ZMYM4: variants seen among roughly 807,000 people sequenced by gnomAD.
ZMYM4 encodes the protein zinc finger MYM-type containing 4, also known as zinc finger MYM-type protein 4.
In ZMYM4, 31 loss-of-function variants were observed where a neutral mutation model predicts 183.2. The observed-to-expected ratio is 0.17, with a 90% CI of 0.13 to 0.23. ZMYM4 has a LOEUF of 0.23. Among genes scored for constraint, ZMYM4 ranks in the 10% least tolerant of loss-of-function variants. The pLI, the probability that ZMYM4 is intolerant of heterozygous loss-of-function variation, is 1.00. For missense variants in ZMYM4, 1,273 were observed against 1,840.3 expected (o/e 0.69, Z 5.64); for synonymous variants, 592 against 631.2 (o/e 0.94, Z 0.93).
At chr1:35,331,358 A>G (rs2148833755) in intron 2 of ZMYM4, among the ~76,000 whole-genome samples, 1 of 152,320 alleles carries the variant, frequency 6.6e-6, no homozygotes, top group African/African-American at 2.4e-5. Flanking sequence ...GAATTAAACA[A>G]ACTGATCAGT....
At chr1:35,367,050 T>A (rs1298234636) in intron 5 of ZMYM4, among the ~76,000 whole-genome samples, 1 of 151,896 alleles carries the variant, frequency 6.6e-6, no homozygotes, top group Admixed American at 6.6e-5. Flanking sequence ...AATTGAGATT[T>A]AGATTTGATG....
intron 4 of ZMYM4, 141 bp downstream of exon 4, chr1:35,361,396 C>G: frequency 1.0e-6 from 1 of 956,888 alleles, no homozygotes; most frequent in Non-Finnish European, 1.5e-6. Context: ...TGTTTAAGGT[C>G]ATCATCGGAG....
chr1:35,400,219 T>TTTG (rs1644881799), intron 23 of ZMYM4: 1 of 143,292 alleles, frequency 7.0e-6, no homozygotes, highest in African/African-American at 2.6e-5. Flanking sequence ...TTTTTTTTTT[T>TTTG]GAGACGGAGT....
At position 35,299,310 on chromosome 1, in the gene ZMYM4, CA is replaced by C. The variant is rs201866723; in HGVS notation, c.40-26047del. On this transcript the variant is annotated intron_variant, in intron 1 of 29. Transcript: ENST00000314607. Reference sequence around the variant, plus strand: ...GTGTTCAGGTTCTTGGCGTCTTGAACAAAGAATTGGACAAAACACACAAACA... The same window carrying C: ...GTGTTCAGGTTCTTGGCGTCTTGAACAAGAATTGGACAAAACACACAAACA... Among the ~76,000 whole-genome samples, 210 of 151,770 alleles carry C rather than the reference CA, an allele frequency of 1.4e-3. 3 individuals are homozygous for C. Among genetic ancestry groups the C allele is most frequent in the African/African-American group, 4.6e-3 (191 of 41,356 alleles).
At chr1:35,308,141 G>T (rs1157041324) in intron 1 of ZMYM4, among the ~76,000 whole-genome samples, 1 of 152,134 alleles carries the variant, frequency 6.6e-6, no homozygotes, top group African/African-American at 2.4e-5. Context: ...ACAGGCATGT[G>T]TCATCACACC....
intron 25 of ZMYM4, 122 bp from the exon 26 acceptor site, chr1:35,407,886 A>G (rs770818769): frequency 1.6e-6 from 2 of 1,235,074 alleles, no homozygotes; most frequent in Admixed American, 2.1e-5. Context: ...TCTTTAATCC[A>G]TATACCCACT....
intron 28 of ZMYM4, among the ~76,000 whole-genome samples, 161 bp downstream of exon 28, chr1:35,415,875 C>G (rs568766463): frequency 6.6e-6 from 1 of 152,270 alleles, no homozygotes; most frequent in Admixed American, 6.5e-5. Flanking sequence ...AAAGGCTGGC[C>G]TCAAAGTGAG....
chr1:35,351,331 C>T (rs542015650), intron 2 of ZMYM4: 2 of 1,566,592 alleles, frequency 1.3e-6, no homozygotes, highest in Non-Finnish European at 1.7e-6. Flanking sequence ...CAGAAAGTTG[C>T]AGATTACATG....
At chr1:35,390,182 CAG>C in intron 15 of ZMYM4, 84 bp downstream of exon 15, 1 of 1,389,872 alleles carries the variant, frequency 7.2e-7, no homozygotes. Flanking sequence ...ACTGTGTAAA[CAG>C]TTGTCATTAA....
chr1:35,277,846 C>T (rs1255598252), intron 1 of ZMYM4, among the ~76,000 whole-genome samples: 1 of 152,094 alleles, frequency 6.6e-6, no homozygotes, highest in Non-Finnish European at 1.5e-5. Context: ...GAGGGAGTAT[C>T]ATTAGGAACT....
intron 5 of ZMYM4, among the ~76,000 whole-genome samples, chr1:35,366,490 A>T (rs1644083492): frequency 6.6e-6 from 1 of 152,216 alleles, no homozygotes; most frequent in South Asian, 2.1e-4. Context: ...ATCACTTGCT[A>T]TTAAGAATAT....
intron 1 of ZMYM4, chr1:35,295,885 T>C (rs1640982838): frequency 6.6e-6 from 1 of 152,226 alleles, no homozygotes; most frequent in Admixed American, 6.5e-5. Flanking sequence ...TTAGCCATTT[T>C]TCTGTTATAT....
At chr1:35,336,513 A>G (rs966279865) in intron 2 of ZMYM4, among the ~76,000 whole-genome samples, 2 of 151,690 alleles carry the variant, frequency 1.3e-5, no homozygotes, top group Admixed American at 6.6e-5. Context: ...CAGCCTCCCG[A>G]GTATCTAGGA....
intron 1 of ZMYM4, among the ~76,000 whole-genome samples, chr1:35,280,295 C>CT (rs1457738713): frequency 6.8e-6 from 1 of 146,014 alleles, no homozygotes; most frequent in Non-Finnish European, 1.5e-5. Context: ...TCTCTCTCTT[C>CT]TTTCTTTGTT....
intron 3 of ZMYM4, among the ~76,000 whole-genome samples, chr1:35,360,943 ATT>A (rs558784834): frequency 3.1e-4 from 43 of 138,070 alleles, no homozygotes; most frequent in Non-Finnish European, 4.6e-4. Context: ...AGCAAAAATA[ATT>A]TTTTTTTTTT....
At chr1:35,283,838 T>G (rs937857947) in intron 1 of ZMYM4, among the ~76,000 whole-genome samples, 1 of 152,162 alleles carries the variant, frequency 6.6e-6, no homozygotes, top group African/African-American at 2.4e-5. Flanking sequence ...GTTGTTGAGT[T>G]TTAGGAATTG....
chr1:35,418,357 C>T (rs1020995091), intron 28 of ZMYM4, 86 bp from the exon 29 acceptor site: 1 of 1,444,094 alleles, frequency 6.9e-7, no homozygotes, highest in African/African-American at 1.4e-5. Context: ...AAAGTTCTGG[C>T]TGCGAAGCAA....
intron 2 of ZMYM4, among the ~76,000 whole-genome samples, chr1:35,328,098 G>A (rs755192398): frequency 6.6e-6 from 1 of 152,160 alleles, no homozygotes; most frequent in Non-Finnish European, 1.5e-5. Context: ...GATTGTTAAA[G>A]TTGTTGCAGT....
rs563974180 is a variant in ZMYM4, at chr1:35,293,445, C to T, written c.39+24360C>T. On this transcript the variant is annotated intron_variant, in intron 1 of 29. Coordinates refer to ENST00000314607, the MANE Select transcript of ZMYM4 (RefSeq NM_005095.3). ...TCTACTGCCTCTGCCTCCTGAGTAG[C>T]TGAGATTACAGGCAATGCGCCACCA... Among the ~76,000 whole-genome samples, 24 of 152,034 alleles carry T rather than the reference C, an allele frequency of 1.6e-4. No individual in the cohort carries two copies. In the South Asian group the frequency reaches 5.0e-3, roughly 32 times the overall value.
Sources: allele counts gnomAD v4.1 joint callset (sites outside exome capture counted in the v4.1 genomes callset), GRCh38; gene constraint gnomAD v4.1.1; transcripts MANE v1.5; gene names NCBI Gene and HGNC (gene_info 2026-07-23, HGNC 2026-07-21).